The following PCDH15 variants were observed in gnomAD, a reference collection of about 807,000 sequenced individuals.
The protein encoded by PCDH15 is protocadherin related 15, also known as protocadherin-15.
Under a neutral mutation model 178.5 loss-of-function variants are expected in PCDH15, and 129 were observed. The observed-to-expected ratio is 0.72, with a 90% CI of 0.63 to 0.84. The LOEUF is 0.84. Ranked by LOEUF, PCDH15 falls within the 40% of genes least tolerant of loss-of-function variation. The pLI is 0.00. For missense variants in PCDH15, 2,230 were observed against 2,099.9 expected, an observed-to-expected ratio of 1.06 and a Z score of -1.21; for synonymous variants, 800 against 732.0, an observed-to-expected ratio of 1.09 and a Z score of -1.50.
chr10:54,768,443 T>C (rs1012270586), intron 1 of PCDH15, among the ~76,000 whole-genome samples: 2 of 151,960 alleles, frequency 1.3e-5, no homozygotes, highest in African/African-American at 2.4e-5. Flanking sequence ...CTTGCTAACA[T>C]TGAAACAAAT....
At chr10:54,230,446 A>T (rs1427822429) in intron 9 of PCDH15, among the ~76,000 whole-genome samples, 1 of 152,200 alleles carries the variant, frequency 6.6e-6, no homozygotes, top group Admixed American at 6.5e-5. Flanking sequence ...TACAAAATGA[A>T]ATATGGTAAC....
chr10:55,469,981 T>A (rs1449830059), intron 2 of PCDH15, among the ~76,000 whole-genome samples: 1 of 152,166 alleles, frequency 6.6e-6, no homozygotes, highest in Non-Finnish European at 1.5e-5. Flanking sequence ...AAAAATATTG[T>A]AATTGCTTTT....
chr10:54,555,575 C>CAAA (rs35998779), intron 2 of PCDH15, among the ~76,000 whole-genome samples: 1 of 143,816 alleles, frequency 7.0e-6, no homozygotes, highest in Non-Finnish European at 1.5e-5. Flanking sequence ...ACTAAAAATA[C>CAAA]AAAAAAAAAA....
chr10:54,722,634 T>C (rs774028972), intron 1 of PCDH15, among the ~76,000 whole-genome samples: 1 of 150,236 alleles, frequency 6.7e-6, no homozygotes. Flanking sequence ...TAATTGTGTA[T>C]CAGAAAACCC....
At chr10:54,613,279 C>T (rs2134277757) in intron 2 of PCDH15, among the ~76,000 whole-genome samples, 1 of 151,862 alleles carries the variant, frequency 6.6e-6, no homozygotes, top group African/African-American at 2.4e-5. Flanking sequence ...AACTTTATCA[C>T]TCTCAAACAG....
At chr10:54,869,844 C>T (rs1318506611) in intron 3 of PCDH15, among the ~76,000 whole-genome samples, 2 of 152,160 alleles carry the variant, frequency 1.3e-5, no homozygotes, top group South Asian at 2.1e-4. Context: ...CACATAAGCA[C>T]ACTGCTTTAA....
In PCDH15 at chr10:53,806,486, A is replaced by AAAT; in HGVS notation, c.*90_*92dup. On this transcript the variant is annotated 3_prime_UTR_variant, in exon 38 of 38. Transcript: ENST00000644397. ...AAGTTTTAGCTTGTGTGCATGATAT[A>AAAT]AATTCCATACATTGTTTTCTCAGTG... 8.9e-7 allele frequency: 1 copy of AAAT among 1,124,580 alleles called. No homozygotes were observed. Among genetic ancestry groups the AAAT allele is most frequent in the Non-Finnish European group, 1.2e-6 (1 of 803,046 alleles). 69.7% of individuals were successfully genotyped at this position (1,124,580 alleles called of 1,614,324 possible).
chr10:55,058,971 T>C (rs1841369129), intron 2 of PCDH15, among the ~76,000 whole-genome samples: 1 of 152,214 alleles, frequency 6.6e-6, no homozygotes, highest in Non-Finnish European at 1.5e-5. Context: ...AAATCAGGTA[T>C]TGAATCACAT....
chr10:55,314,536 C>G (rs1462862423), intron 1 of PCDH15, among the ~76,000 whole-genome samples: 1 of 150,920 alleles, frequency 6.6e-6, no homozygotes, highest in East Asian at 1.9e-4. Context: ...CTGGGTTTGT[C>G]GCCACAATAT....
chr10:54,428,239 T>C (rs1347109416), intron 3 of PCDH15, among the ~76,000 whole-genome samples: 1 of 152,186 alleles, frequency 6.6e-6, no homozygotes, highest in Non-Finnish European at 1.5e-5. Flanking sequence ...AGAGCATCCA[T>C]TGACTCATAG....
chr10:54,705,714 TTATC>T (rs769193642), intron 1 of PCDH15, among the ~76,000 whole-genome samples: 6 of 152,138 alleles, frequency 3.9e-5, no homozygotes, highest in Non-Finnish European at 8.8e-5. Flanking sequence ...ATTTTAAGCT[TTATC>T]TGATTTGAAG....
rs1191678166 is a variant in PCDH15, at chr10:54,421,691, TATAC to T, written c.158-42753_158-42750del. Among the ~76,000 whole-genome samples, 29 of 94,930 alleles carry T rather than the reference TATAC, an allele frequency of 3.1e-4. 1 individual carries two copies. The highest frequency in any genetic ancestry group is 1.3e-3 in the African/African-American group (28 of 21,860). 62.3% of individuals were successfully genotyped at this position (94,930 alleles called of 152,430 possible). On this transcript the variant is annotated intron_variant, in intron 3 of 37. Transcript: ENST00000644397. Reference sequence around the variant, plus strand: ...ATATACATATATATATATATATATATATACACACACACACACACACTATATATAT... The same window carrying T: ...ATATACATATATATATATATATATATACACACACACACACACTATATATAT...
intron 2 of PCDH15, among the ~76,000 whole-genome samples, chr10:55,153,977 G>C (rs1324897247): frequency 6.6e-6 from 1 of 152,140 alleles, no homozygotes; most frequent in Non-Finnish European, 1.5e-5. Flanking sequence ...AAATACTTCA[G>C]TTCTGAAAAT....
Position 54,613,243 on chromosome 10 carries a change from A to G in PCDH15, c.91+50929T>C, listed in dbSNP as rs78593752. On this transcript the variant is annotated intron_variant, in intron 2 of 37. Transcript: ENST00000644397. ...TATGCCTTAGAAACACAGCAATGCT[A>G]TGTTTTTCTAAAATGAAGAGAAAGA... Among the ~76,000 whole-genome samples, 1,037 of 151,972 alleles carry G rather than the reference A, an allele frequency of 6.8e-3. 26 individuals carry two copies. The East Asian group carries it at 0.086, about 13-fold the overall frequency.
intron 37 of PCDH15, chr10:53,808,527 T>C: frequency 4.9e-6 from 7 of 1,430,634 alleles, no homozygotes; most frequent in Non-Finnish European, 6.4e-6. Flanking sequence ...TACAAATGGA[T>C]TTGGACAACA....
At chr10:54,643,201 AG>A (rs1187563772) in intron 2 of PCDH15, among the ~76,000 whole-genome samples, 1 of 152,240 alleles carries the variant, frequency 6.6e-6, no homozygotes, top group Non-Finnish European at 1.5e-5. Flanking sequence ...CTGGGATTAC[AG>A]GTGTGAGCCA....
chr10:55,226,284 C>T (rs1452953623), intron 1 of PCDH15, among the ~76,000 whole-genome samples: 4 of 152,070 alleles, frequency 2.6e-5, no homozygotes, highest in African/African-American at 7.3e-5. Context: ...GGAGAGAACA[C>T]AAAATATTAT....
chr10:54,465,292 T>C (rs1216421290), intron 3 of PCDH15, among the ~76,000 whole-genome samples: 1 of 152,092 alleles, frequency 6.6e-6, no homozygotes, highest in African/African-American at 2.4e-5. Flanking sequence ...TTTAGAAATA[T>C]ACAGTACATT....
intron 18 of PCDH15, among the ~76,000 whole-genome samples, chr10:54,057,138 G>T (rs1164680559): frequency 6.6e-6 from 1 of 152,140 alleles, no homozygotes; most frequent in African/African-American, 2.4e-5. Context: ...GAGTGTCTGC[G>T]ACTTGCCAGG....
Sources: gnomAD v4.1 joint callset for allele counts (sites outside exome capture counted in the v4.1 genomes callset) on GRCh38, gnomAD v4.1.1 for gene constraint, MANE v1.5 for transcripts, NCBI Gene and HGNC (gene_info 2026-07-23, HGNC 2026-07-21) for gene names.